The following IGSF21 variants were observed in gnomAD, a reference collection of about 807,000 sequenced individuals.
IGSF21 encodes immunoglobulin superfamily member 21.
IGSF21 carries 28 observed loss-of-function variants against 46.8 expected under a neutral mutation model. The observed-to-expected ratio is 0.60, with a 90% CI of 0.44 to 0.82. IGSF21 has a LOEUF of 0.82. Among genes scored for constraint, IGSF21 ranks in the 40% least tolerant of loss-of-function variants. IGSF21 has a pLI of 0.00. For synonymous variants in IGSF21, 284 were observed against 273.6 expected, an observed-to-expected ratio of 1.04 and a Z score of -0.38; for missense variants, 624 against 665.5, an observed-to-expected ratio of 0.94 and a Z score of 0.69.
In IGSF21 at chr1:18,290,783, A is replaced by G. The variant is rs2085257430; in HGVS notation, c.184-1083A>G. Reference sequence around the variant, plus strand: ...TTTGCCTGGGGAAGCTGCTTTCAGCATCCCCCCTACCCCAGCCCCTTGGAG... The same window carrying G: ...TTTGCCTGGGGAAGCTGCTTTCAGCGTCCCCCCTACCCCAGCCCCTTGGAG... On this transcript the variant is annotated intron_variant, in intron 2 of 9. Transcript: ENST00000251296. The surrounding 1 kb of genome is among the most constrained non-coding windows in gnomAD (Gnocchi z 4.2). Among the ~76,000 whole-genome samples the G allele has an allele frequency of 6.6e-6, 1 of 152,112 alleles. No homozygotes were observed. The highest frequency in any genetic ancestry group is 1.5e-5 in the Non-Finnish European group (1 of 68,016).
intron 1 of IGSF21, among the ~76,000 whole-genome samples, chr1:18,215,687 G>T (rs919912431): frequency 1.4e-4 from 22 of 152,268 alleles, no homozygotes; most frequent in African/African-American, 4.8e-4. Context: ...GTGGCTCAGG[G>T]TGCAAAAGAT....
chr1:18,338,586 C>A (rs1436401811), intron 4 of IGSF21, among the ~76,000 whole-genome samples: 1 of 152,130 alleles, frequency 6.6e-6, no homozygotes, highest in African/African-American at 2.4e-5. Context: ...AAGCCCAGCA[C>A]CCCAGTCTAC....
intron 4 of IGSF21, among the ~76,000 whole-genome samples, chr1:18,354,424 G>T (rs1234970372): frequency 6.6e-6 from 1 of 152,212 alleles, no homozygotes; most frequent in African/African-American, 2.4e-5. Flanking sequence ...AAAAAAGAAA[G>T]AAATTAAAGT....
In IGSF21 at chr1:18,158,523, C is replaced by A. The variant is rs771725679; in HGVS notation, c.70+50325C>A. ...CCACCCAGGCCCGGGTGTCTGCTGCCCACTCCTGACCAGGGCAGCGTCGGG... is the reference window on the plus strand; with the variant it reads ...CCACCCAGGCCCGGGTGTCTGCTGCACACTCCTGACCAGGGCAGCGTCGGG... On this transcript the variant is annotated intron_variant, in intron 1 of 9. Transcript: ENST00000251296. Among the ~76,000 whole-genome samples the A allele has an allele frequency of 4.5e-4, 69 of 152,138 alleles. 2 individuals are homozygous for A. Among genetic ancestry groups the A allele is most frequent in the Non-Finnish European group, 7.6e-4 (52 of 68,020 alleles).
intron 2 of IGSF21, chr1:18,278,837 C>T (rs768705793): frequency 8.5e-6 from 4 of 470,852 alleles, no homozygotes; most frequent in Non-Finnish European, 1.8e-5. Context: ...ATTACAGGCA[C>T]GAGCCACTGC....
chr1:18,126,130 G>A (rs935858106), intron 1 of IGSF21, among the ~76,000 whole-genome samples: 1 of 152,138 alleles, frequency 6.6e-6, no homozygotes, highest in Non-Finnish European at 1.5e-5. Flanking sequence ...CCATAGAGGT[G>A]CCCCAGGGGA....
chr1:18,123,338 C>T (rs946027388), intron 1 of IGSF21, among the ~76,000 whole-genome samples: 4 of 152,206 alleles, frequency 2.6e-5, no homozygotes, highest in African/African-American at 9.6e-5. Context: ...AAGGGATGCT[C>T]CATTTCCTGG....
At chr1:18,284,028 C>G (rs368486937) in intron 2 of IGSF21, among the ~76,000 whole-genome samples, 38 of 152,182 alleles carry the variant, frequency 2.5e-4, no homozygotes, top group African/African-American at 8.9e-4. Context: ...GGAAACCACA[C>G]GTTTCAGAAA....
At chr1:18,359,258 A>G (rs1217746867) in intron 4 of IGSF21, among the ~76,000 whole-genome samples, 2 of 149,300 alleles carry the variant, frequency 1.3e-5, no homozygotes, top group Non-Finnish European at 3.0e-5. Flanking sequence ...AGCCTGGGTA[A>G]CAGAGCGAGA....
At chr1:18,281,530 C>T (rs528079182) in intron 2 of IGSF21, among the ~76,000 whole-genome samples, 1 of 150,002 alleles carries the variant, frequency 6.7e-6, no homozygotes, top group East Asian at 2.0e-4. Flanking sequence ...GGTGCCGCTG[C>T]ACTCCAGCCT....
At chr1:18,375,250 C>T (rs572822974) in intron 6 of IGSF21, among the ~76,000 whole-genome samples, 1 of 152,298 alleles carries the variant, frequency 6.6e-6, no homozygotes, top group East Asian at 1.9e-4. Flanking sequence ...TCTTGTTCAC[C>T]ACCATATCCT....
chr1:18,143,080 C>A (rs1404406699), intron 1 of IGSF21, among the ~76,000 whole-genome samples: 3 of 152,236 alleles, frequency 2.0e-5, no homozygotes, highest in Non-Finnish European at 4.4e-5. Flanking sequence ...TGACCCCACA[C>A]AGGCCTAGTA....
chr1:18,302,135 G>A (rs1313303961), intron 3 of IGSF21, among the ~76,000 whole-genome samples: 1 of 146,422 alleles, frequency 6.8e-6, no homozygotes, highest in Non-Finnish European at 1.5e-5. Flanking sequence ...TTCAGGGGCT[G>A]CCTGGCCTTC....
intron 4 of IGSF21, among the ~76,000 whole-genome samples, chr1:18,360,436 C>T (rs911397967): frequency 1.3e-5 from 2 of 152,130 alleles, no homozygotes; most frequent in African/African-American, 4.8e-5. Context: ...TGTCTGTCGC[C>T]CCCACCTGAC....
intron 2 of IGSF21, among the ~76,000 whole-genome samples, chr1:18,248,807 G>C (rs1010984398): frequency 2.6e-5 from 4 of 152,118 alleles, no homozygotes; most frequent in Non-Finnish European, 5.9e-5. Context: ...AGATAGGCAA[G>C]TTCTCTCTAC....
intron 6 of IGSF21, among the ~76,000 whole-genome samples, chr1:18,370,126 T>G (rs1468247180): frequency 6.6e-6 from 1 of 152,214 alleles, no homozygotes; most frequent in Non-Finnish European, 1.5e-5. Flanking sequence ...AGTTCAAGCC[T>G]GGGTTATTAG....
rs147954018 is a variant in IGSF21, at chr1:18,161,051, G to C, written c.70+52853G>C. Among the ~76,000 whole-genome samples, 674 of 152,228 alleles carry C rather than the reference G, an allele frequency of 4.4e-3. 2 individuals are homozygous for C. The highest frequency in any genetic ancestry group is 7.6e-3 in the Admixed American group (116 of 15,290). Reference sequence around the variant, plus strand: ...TCTGTTCCTGCTGGGGCCTGGCCAGGGAATCTCTTGGGCCAGAGTTTGGCC... The same window carrying C: ...TCTGTTCCTGCTGGGGCCTGGCCAGCGAATCTCTTGGGCCAGAGTTTGGCC... On this transcript the variant is annotated intron_variant, in intron 1 of 9. Coordinates refer to ENST00000251296, the MANE Select transcript of IGSF21 (RefSeq NM_032880.5).
At chr1:18,239,814 A>G (rs1182325567) in intron 2 of IGSF21, among the ~76,000 whole-genome samples, 1 of 147,622 alleles carries the variant, frequency 6.8e-6, no homozygotes, top group Non-Finnish European at 1.5e-5. Flanking sequence ...ATCTTCTTCC[A>G]CATTCAACTG....
In IGSF21 at chr1:18,337,578, G is replaced by A. The variant is rs192695652; in HGVS notation, c.424+2568G>A. On this transcript the variant is annotated intron_variant, in intron 4 of 9. Transcript: ENST00000251296. The surrounding 1 kb of genome is among the most constrained non-coding windows in gnomAD (Gnocchi z 5.7). ...GACTGCTCTGGGAACACAGCTTCAC[G>A]CACCGTGGCAACCTGGAAGCCAGGG... 8.5e-4 allele frequency among the ~76,000 whole-genome samples: 130 copies of A among 152,156 alleles called. 2 individuals are homozygous for A. The East Asian group carries it at 0.012, about 14-fold the overall frequency.
Sources: gnomAD v4.1 joint callset for allele counts (sites outside exome capture counted in the v4.1 genomes callset) on GRCh38, gnomAD v4.1.1 for gene constraint, Gnocchi (gnomAD v3.1) non-coding constraint, MANE v1.5 for transcripts, NCBI Gene and HGNC (gene_info 2026-07-23, HGNC 2026-07-21) for gene names.